Variants in LIPI observed in about 807,000 individuals in gnomAD.
LIPI encodes the protein lipase I.
A neutral mutation model predicts 50.6 loss-of-function variants in LIPI; 59 were observed. The observed-to-expected ratio is 1.16, with a 90% CI of 0.94 to 1.45. LIPI has a LOEUF of 1.45. Among genes scored for constraint, LIPI ranks in the 40% most tolerant of loss-of-function variants. LIPI has a pLI of 0.00. For missense variants in LIPI, 586 were observed against 536.3 expected (o/e 1.09, Z -0.92); for synonymous variants, 203 against 178.2 (o/e 1.14, Z -1.11).
At chr21:14,160,528 A>G (rs1397546214) in intron 7 of LIPI, among the ~76,000 whole-genome samples, 1 of 151,376 alleles carries the variant, frequency 6.6e-6, no homozygotes, top group African/African-American at 2.4e-5. Flanking sequence ...AATGTAACAC[A>G]TAGAACTATT....
chr21:14,185,463 C>G (rs1021155572), intron 3 of LIPI, among the ~76,000 whole-genome samples: 2 of 152,168 alleles, frequency 1.3e-5, no homozygotes, highest in Non-Finnish European at 2.9e-5. Context: ...AACTTAAGCT[C>G]TGTTGAGAAC....
chr21:14,153,303 C>T (rs1013303111), intron 7 of LIPI, among the ~76,000 whole-genome samples: 1 of 152,088 alleles, frequency 6.6e-6, no homozygotes, highest in South Asian at 2.1e-4. Context: ...TTTTGTGCAC[C>T]CCCCTTCTAG....
intron 7 of LIPI, among the ~76,000 whole-genome samples, chr21:14,153,152 G>C (rs899699079): frequency 1.3e-5 from 2 of 152,042 alleles, no homozygotes; most frequent in Non-Finnish European, 2.9e-5. Flanking sequence ...ATATATATAA[G>C]GTAAGGTCAT....
At chr21:14,141,193 G>T (rs1393391265) in intron 9 of LIPI, among the ~76,000 whole-genome samples, 2 of 151,806 alleles carry the variant, frequency 1.3e-5, no homozygotes, top group African/African-American at 4.8e-5. Context: ...TCCGTAGTTA[G>T]TTCTTCTGCT....
chr21:14,127,086 T>C (rs1360979686), intron 9 of LIPI, among the ~76,000 whole-genome samples: 2 of 151,926 alleles, frequency 1.3e-5, no homozygotes, highest in Non-Finnish European at 2.9e-5. Flanking sequence ...AGCCCTAAGG[T>C]CTGAGGTCCT....
chr21:14,113,458 A>G (rs1308665993), intron 9 of LIPI, among the ~76,000 whole-genome samples: 1 of 152,242 alleles, frequency 6.6e-6, no homozygotes, highest in Non-Finnish European at 1.5e-5. Context: ...AAATCAGTGA[A>G]CTTGATAACA....
intron 3 of LIPI, among the ~76,000 whole-genome samples, chr21:14,185,193 A>G: frequency 6.6e-6 from 1 of 152,204 alleles, no homozygotes; most frequent in Non-Finnish European, 1.5e-5. Context: ...TAACTTTGTT[A>G]TAGAAATATG....
At chr21:14,174,746 G>A (rs1383183425) in intron 4 of LIPI, among the ~76,000 whole-genome samples, 1 of 151,996 alleles carries the variant, frequency 6.6e-6, no homozygotes, top group Non-Finnish European at 1.5e-5. Flanking sequence ...GCAGAGATGG[G>A]CTTTCACCAT....
intron 1 of LIPI, among the ~76,000 whole-genome samples, chr21:14,196,529 T>G (rs2019861862): frequency 6.6e-6 from 1 of 152,124 alleles, no homozygotes; most frequent in Non-Finnish European, 1.5e-5. Context: ...TGCACCTATT[T>G]TTTCAAAACT....
rs927540011 is a variant in LIPI, at chr21:14,138,742, G to A, written c.1295+5881C>T. Among the ~76,000 whole-genome samples, 8 of 151,996 alleles carry A rather than the reference G, an allele frequency of 5.3e-5. 1 individual carries two copies. The South Asian group carries it at 6.2e-4, about 12-fold the overall frequency. On this transcript the variant is annotated intron_variant, in intron 9 of 9. Coordinates refer to ENST00000681601, the MANE Select transcript of LIPI (RefSeq NM_001302998.2). ...TAAATTACCCTATTATTGAGCAGTC[G>A]ATTTATTTATAATTTTTAGCATTGT...
intron 7 of LIPI, among the ~76,000 whole-genome samples, chr21:14,161,525 AGATATAATATC>A (rs2018464582): frequency 7.7e-6 from 1 of 129,338 alleles, no homozygotes. Context: ...ATATAGATAT[AGATATAATATC>A]CATATCTATT....
chr21:14,188,461 G>A (rs1279912407), intron 2 of LIPI, among the ~76,000 whole-genome samples: 1 of 151,072 alleles, frequency 6.6e-6, no homozygotes, highest in Non-Finnish European at 1.5e-5. Context: ...CCAGCTACTC[G>A]GGTGGCTGAT....
intron 7 of LIPI, among the ~76,000 whole-genome samples, chr21:14,161,338 TTATA>T (rs971182478): frequency 6.9e-6 from 1 of 145,478 alleles, no homozygotes; most frequent in African/African-American, 2.5e-5. Flanking sequence ...TAATATATAG[TTATA>T]TATAATATAT....
At chr21:14,164,628 C>A (rs932430818) in intron 6 of LIPI, among the ~76,000 whole-genome samples, 4 of 152,278 alleles carry the variant, frequency 2.6e-5, no homozygotes, top group African/African-American at 9.6e-5. Context: ...AAACCCTGAG[C>A]AAACAGCCTC....
chr21:14,179,419 C>T (rs1483722869), intron 4 of LIPI, among the ~76,000 whole-genome samples: 1 of 152,074 alleles, frequency 6.6e-6, no homozygotes, highest in Non-Finnish European at 1.5e-5. Context: ...AACTATGTGG[C>T]CTCTAGTGGC....
chr21:14,172,806 T>C (rs992439905), intron 4 of LIPI, among the ~76,000 whole-genome samples: 22 of 151,962 alleles, frequency 1.4e-4, no homozygotes. Flanking sequence ...GCATGGCACA[T>C]GTATACATAT....
intron 8 of LIPI, among the ~76,000 whole-genome samples, chr21:14,151,519 A>G (rs1011826037): frequency 4.6e-5 from 7 of 152,206 alleles, no homozygotes; most frequent in African/African-American, 1.7e-4. Context: ...TGCTCTGTCT[A>G]TCCACAACAA....
chr21:14,118,149 C>A (rs761551210), intron 9 of LIPI, among the ~76,000 whole-genome samples: 14 of 151,990 alleles, frequency 9.2e-5, no homozygotes, highest in Non-Finnish European at 2.1e-4. Flanking sequence ...CGTCACTGGG[C>A]AAGGCATAGT....
intron 4 of LIPI, among the ~76,000 whole-genome samples, chr21:14,173,152 G>T (rs548961632): frequency 6.6e-6 from 1 of 152,310 alleles, no homozygotes; most frequent in East Asian, 1.9e-4. Context: ...ATATTTGTGC[G>T]AATACGCTCG....
Sources: allele counts gnomAD v4.1 joint callset (sites outside exome capture counted in the v4.1 genomes callset), GRCh38; gene constraint gnomAD v4.1.1; transcripts MANE v1.5; gene names NCBI Gene and HGNC (gene_info 2026-07-23, HGNC 2026-07-21).